ZNF675: variants seen among roughly 807,000 people sequenced by gnomAD.
ZNF675 encodes TRAF6 inhibitory zinc finger.
ZNF675 carries 36 observed loss-of-function variants against 56.1 expected under a neutral mutation model. The ratio of observed to expected loss-of-function variants is 0.64; its 90% confidence interval spans 0.49 to 0.85. The LOEUF (loss-of-function observed/expected upper bound fraction) is 0.85. ZNF675 is among the 40% of genes least tolerant of loss of function. The pLI, the probability that ZNF675 is intolerant of heterozygous loss-of-function variation, is 0.00. For synonymous variants in ZNF675, 200 were observed against 218.9 expected (o/e 0.91, Z 0.76); for missense variants, 663 against 654.2 (o/e 1.01, Z -0.15).
intron 3 of ZNF675, among the ~76,000 whole-genome samples, chr19:23,659,897 C>T (rs1968052884): frequency 6.6e-6 from 1 of 152,142 alleles, no homozygotes; most frequent in African/African-American, 2.4e-5. Flanking sequence ...GACTCAGTTC[C>T]AGCTCGCTGA....
chr19:23,654,852 T>G, intron 3 of ZNF675, 146 bp from the exon 4 acceptor site: 1 of 504,148 alleles, frequency 2.0e-6, no homozygotes. Context: ...GTGAGCACAA[T>G]GCAAAGAGCC....
chr19:23,662,961 T>G, intron 2 of ZNF675, 71 bp downstream of exon 2: 1 of 1,408,168 alleles, frequency 7.1e-7, no homozygotes. Context: ...TCTAGCCTGG[T>G]GACAGAGCCA....
intron 3 of ZNF675, among the ~76,000 whole-genome samples, chr19:23,659,674 G>A (rs1428599478): frequency 6.6e-6 from 1 of 152,146 alleles, no homozygotes; most frequent in East Asian, 1.9e-4. Context: ...CAGGATCCCT[G>A]TTCTTAACTA....
chr19:23,681,893 A>C (rs561866375), intron 1 of ZNF675, among the ~76,000 whole-genome samples: 3 of 151,820 alleles, frequency 2.0e-5, no homozygotes, highest in Non-Finnish European at 4.4e-5. Context: ...CCAGGAAAAA[A>C]GGTGGGGAAA....
At chr19:23,663,899 A>C (rs564386121) in intron 1 of ZNF675, among the ~76,000 whole-genome samples, 8 of 152,206 alleles carry the variant, frequency 5.3e-5, no homozygotes, top group African/African-American at 1.7e-4. Context: ...AGAAATGTTG[A>C]GTTATCTACA....
At chr19:23,672,630 C>T (rs1415987736) in intron 1 of ZNF675, among the ~76,000 whole-genome samples, 1 of 152,190 alleles carries the variant, frequency 6.6e-6, no homozygotes, top group African/African-American at 2.4e-5. Flanking sequence ...GCTCTGCATT[C>T]CTGTGTGTCA....
At chr19:23,674,671 A>G (rs1046664896) in intron 1 of ZNF675, among the ~76,000 whole-genome samples, 4 of 151,130 alleles carry the variant, frequency 2.6e-5, no homozygotes, top group Non-Finnish European at 5.9e-5. Context: ...TTTCAGGTAT[A>G]AAAACAGAGC....
Position 23,654,491 on chromosome 19 carries a change from T to C in ZNF675, c.442A>G (p.Lys148Glu), listed in dbSNP as rs762244427. The C allele has an allele frequency of 3.7e-6, 6 of 1,604,628 alleles. No homozygotes were observed. The Admixed American group carries it at 1.0e-4, about 28-fold the overall frequency. Reference protein sequence around the residue: ...TMQSKMFQCDKYVKVFNKFSH... With the variant: ...TMQSKMFQCDEYVKVFNKFSH... Reference sequence around the variant, plus strand: ...AATTTATTAAAGACTTTCACATATTTATCACATTGAAACATTTTGCTCTGC... The same window carrying C: ...AATTTATTAAAGACTTTCACATATTCATCACATTGAAACATTTTGCTCTGC... Residue 148 changes from lysine to glutamate, a missense_variant, in exon 4 of 4, where the codon AAA (lysine) becomes GAA (glutamate). This residue lies in a region of ZNF675 where 617 missense variants were observed against 590.5 expected (regional missense o/e 1.04). Coordinates refer to ENST00000359788, the MANE Select transcript of ZNF675 (RefSeq NM_138330.3).
rs1853299332 is a variant in ZNF675 at position 23,654,024 on chromosome 19, T to C, written c.909A>G (p.Lys303=). 2 of 1,613,252 alleles carry C rather than the reference T, an allele frequency of 1.2e-6. No individual in the cohort carries two copies. Among genetic ancestry groups the C allele is most frequent in the South Asian group, 1.1e-5 (1 of 91,046 alleles). The part of the protein sequence containing the change: ...FNQFSNLTTH[K]KIHTGEQPYI... ...AGGGTTGCTCTCCAGTATGAATTTT[T>C]TTATGTGTAGTAAGATTTGAGAACT... Residue 303 remains lysine, a synonymous_variant, in exon 4 of 4, where the codon AAA becomes AAG. Transcript: ENST00000359788.
Position 23,663,263 on chromosome 19 carries a change from G to A in ZNF675, c.4-105C>T, listed in dbSNP as rs991048370. The A allele has an allele frequency of 1.0e-5, 14 of 1,350,570 alleles. No homozygotes were observed. The African/African-American group carries it at 1.2e-4, about 12-fold the overall frequency. 83.7% of individuals were successfully genotyped at this position (1,350,570 alleles called of 1,614,324 possible). A position where few individuals can be genotyped will look rare whatever the true frequency, so the allele number is the denominator to read the frequency against. Reference sequence around the variant, plus strand: ...TAAAGAGAACAGGTTCTGATTTATAGGAGTGACTGAAATTATCCAATAAAA... The same window carrying A: ...TAAAGAGAACAGGTTCTGATTTATAAGAGTGACTGAAATTATCCAATAAAA... On this transcript the variant is annotated intron_variant, in intron 1 of 3. Coordinates refer to ENST00000359788, the MANE Select transcript of ZNF675 (RefSeq NM_138330.3).
At chr19:23,667,853 C>T (rs1968174134) in intron 1 of ZNF675, among the ~76,000 whole-genome samples, 1 of 148,914 alleles carries the variant, frequency 6.7e-6, no homozygotes, top group African/African-American at 2.5e-5. Context: ...ACTCACAAAC[C>T]CTGAGCTAGA....
At chr19:23,673,766 C>T (rs917671370) in intron 1 of ZNF675, among the ~76,000 whole-genome samples, 2 of 152,136 alleles carry the variant, frequency 1.3e-5, no homozygotes, top group African/African-American at 2.4e-5. Context: ...TGGAGCAAGC[C>T]ACCATGGTGC....
chr19:23,661,860 T>A (rs1428028292), intron 3 of ZNF675: 2 of 351,742 alleles, frequency 5.7e-6, no homozygotes, highest in African/African-American at 4.3e-5. Context: ...GTCTCTTGTA[T>A]GCCATGAAGC....
intron 3 of ZNF675, among the ~76,000 whole-genome samples, chr19:23,658,880 T>A (rs995971802): frequency 8.5e-4 from 74 of 87,510 alleles, no homozygotes; most frequent in Non-Finnish European, 1.6e-3. Context: ...TATAGATATC[T>A]ATAGATATAG....
intron 1 of ZNF675, among the ~76,000 whole-genome samples, chr19:23,664,210 C>T (rs1968119796): frequency 6.6e-6 from 1 of 152,110 alleles, no homozygotes; most frequent in Non-Finnish European, 1.5e-5. Context: ...TGAAAAAAAG[C>T]CATTTTTTCC....
At chr19:23,672,024 T>G (rs1715958334) in intron 1 of ZNF675, among the ~76,000 whole-genome samples, 1 of 152,010 alleles carries the variant, frequency 6.6e-6, no homozygotes, top group Non-Finnish European at 1.5e-5. Flanking sequence ...CAAGGATGCC[T>G]AGGTGATTGT....
chr19:23,667,665 TAC>T (rs1968171151), intron 1 of ZNF675, among the ~76,000 whole-genome samples: 1 of 149,676 alleles, frequency 6.7e-6, no homozygotes, highest in Admixed American at 6.6e-5. Flanking sequence ...AGCAGCTAGA[TAC>T]AGAGTGTCAA....
chr19:23,671,530 G>A (rs1012512652), intron 1 of ZNF675, among the ~76,000 whole-genome samples: 3 of 152,090 alleles, frequency 2.0e-5, no homozygotes, highest in African/African-American at 7.2e-5. Context: ...TCAATGCAAA[G>A]GTACCAGTCA....
chr19:23,685,767 G>T (rs1277213681), intron 1 of ZNF675, among the ~76,000 whole-genome samples: 1 of 152,132 alleles, frequency 6.6e-6, no homozygotes, highest in Middle Eastern at 3.2e-3. Context: ...ATTAGAAAGG[G>T]GAAGCTGGCA....
Sources: gnomAD v4.1 joint callset for allele counts (sites outside exome capture counted in the v4.1 genomes callset) on GRCh38, gnomAD v4.1.1 for gene constraint, gnomAD v4.1.1 regional missense constraint, MANE v1.5 for transcripts, NCBI Gene and HGNC (gene_info 2026-07-23, HGNC 2026-07-21) for gene names.